The following GRIN2A variants were observed in gnomAD, a reference collection of about 807,000 sequenced individuals.
GRIN2A encodes glutamate ionotropic receptor NMDA type subunit 2A, also known as glutamate receptor ionotropic, NMDA 2A.
GRIN2A carries 22 observed loss-of-function variants against 113.4 expected under a neutral mutation model. The observed-to-expected ratio is 0.19, with a 90% CI of 0.14 to 0.28. The LOEUF (loss-of-function observed/expected upper bound fraction) is 0.28, where lower values mean the gene tolerates loss of function less well. Ranked by LOEUF, GRIN2A falls within the 10% of genes least tolerant of loss-of-function variation. The pLI, the probability that GRIN2A is intolerant of heterozygous loss-of-function variation, is 1.00. For synonymous variants in GRIN2A, 827 were observed against 738.4 expected, an observed-to-expected ratio of 1.12 and a Z score of -1.94; for missense variants, 1,502 against 1,887.0, an observed-to-expected ratio of 0.80 and a Z score of 3.78.
chr16:9,880,280 G>GC (rs2043450809), intron 4 of GRIN2A, among the ~76,000 whole-genome samples: 1 of 152,154 alleles, frequency 6.6e-6, no homozygotes, highest in Non-Finnish European at 1.5e-5. Flanking sequence ...TTATCATGGA[G>GC]CCCCCTCGAT....
chr16:9,782,117 C>T (rs1407073617), intron 11 of GRIN2A, among the ~76,000 whole-genome samples: 2 of 152,084 alleles, frequency 1.3e-5, no homozygotes, highest in African/African-American at 4.8e-5. Flanking sequence ...ACAGTCAGCC[C>T]TTTCTGTATT....
chr16:10,086,041 T>A (rs1782490063), intron 2 of GRIN2A, among the ~76,000 whole-genome samples: 1 of 152,186 alleles, frequency 6.6e-6, no homozygotes, highest in South Asian at 2.1e-4. Flanking sequence ...TCCTCTTGAA[T>A]GTTATAACCT....
At chr16:10,159,364 C>T (rs888797523) in intron 2 of GRIN2A, among the ~76,000 whole-genome samples, 8 of 152,164 alleles carry the variant, frequency 5.3e-5, no homozygotes, top group Admixed American at 5.2e-4. Context: ...GAGAAGCCCA[C>T]CAAGCACCTA....
Position 9,763,759 on chromosome 16 carries a change from G to A in GRIN2A, c.3785C>T (p.Thr1262Ile), listed in dbSNP as rs587780351. The change falls in exon 13 of 13, where the codon ACC (threonine) becomes ATC (isoleucine). Residue 1262 changes from threonine to isoleucine, a missense_variant. By Grantham distance (89) the Thr-to-Ile change is moderately conservative. This residue lies in a region of GRIN2A where 832 missense variants were observed against 789.7 expected (regional missense o/e 1.05). Transcript: ENST00000330684. ...QMLQETGNPA[T>I]GEQVYQQDWA... ...GTCCTGCTGGTAGACCTGCTCCCCG[G>A]TGGCTGGGTTACCTGTCTCCTGAAG... 1.2e-6 allele frequency: 2 copies of A among 1,614,156 alleles called. No homozygotes were observed. Among genetic ancestry groups the A allele is most frequent in the Admixed American group, 3.3e-5 (2 of 60,022 alleles).
chr16:10,088,831 T>C (rs1204309632), intron 2 of GRIN2A, among the ~76,000 whole-genome samples: 7 of 152,216 alleles, frequency 4.6e-5, no homozygotes, highest in Non-Finnish European at 8.8e-5. Flanking sequence ...CAAGAAAAGA[T>C]AAGTCAGCAC....
At chr16:10,110,751 C>T (rs1035132899) in intron 2 of GRIN2A, among the ~76,000 whole-genome samples, 2 of 152,212 alleles carry the variant, frequency 1.3e-5, no homozygotes, top group Non-Finnish European at 2.9e-5. Flanking sequence ...CCAGGCTCCA[C>T]TCCTTTCACA....
At chr16:9,962,433 C>A (rs924901484) in intron 2 of GRIN2A, among the ~76,000 whole-genome samples, 28 of 152,114 alleles carry the variant, frequency 1.8e-4, no homozygotes, top group South Asian at 1.2e-3. Context: ...ACAAACAACC[C>A]CATCAAAAAG....
rs375348642 is a variant in GRIN2A, at chr16:10,089,006, T to C, written c.414+90992A>G. Among the ~76,000 whole-genome samples, 5 of 152,334 alleles carry C rather than the reference T, an allele frequency of 3.3e-5. No homozygotes were observed. The East Asian group carries it at 7.7e-4, about 23-fold the overall frequency. ...CGTTGAGCAAGTTACATAATGTCTC[T>C]CCTCATGCCTCAGTTTTTTTATCTA... On this transcript the variant is annotated intron_variant, in intron 2 of 12. Transcript: ENST00000330684.
intron 2 of GRIN2A, among the ~76,000 whole-genome samples, chr16:10,067,542 C>T (rs780436059): frequency 9.2e-5 from 14 of 152,150 alleles, no homozygotes; most frequent in African/African-American, 1.4e-4. Context: ...TTGCAACACT[C>T]GGAACATTGC....
intron 2 of GRIN2A, among the ~76,000 whole-genome samples, chr16:10,152,312 C>A (rs921510660): frequency 6.6e-6 from 1 of 152,218 alleles, no homozygotes; most frequent in East Asian, 1.9e-4. Context: ...GCTGTCCATA[C>A]GCACCATGTA....
Position 9,763,101 on chromosome 16 carries a change from T to C in GRIN2A, c.*48A>G. The C allele has an allele frequency of 6.4e-7, 1 of 1,573,954 alleles. No individual in the cohort carries two copies. The highest frequency in any genetic ancestry group is 8.7e-7 in the Non-Finnish European group (1 of 1,146,556). On this transcript the variant is annotated 3_prime_UTR_variant, in exon 13 of 13. Coordinates refer to ENST00000330684, the MANE Select transcript of GRIN2A (RefSeq NM_001134407.3). ...ATCCAACATTTACCCTCCAGAACAT[T>C]GGCCATTACGTATATTTCCCTATAG...
intron 2 of GRIN2A, among the ~76,000 whole-genome samples, chr16:10,015,173 G>A (rs2046579026): frequency 7.0e-6 from 1 of 143,354 alleles, no homozygotes. Flanking sequence ...AGAATCACTT[G>A]AACCGGGAGG....
At chr16:9,890,293 A>T (rs2043668562) in intron 4 of GRIN2A, among the ~76,000 whole-genome samples, 1 of 152,218 alleles carries the variant, frequency 6.6e-6, no homozygotes. Flanking sequence ...GCATTTAATT[A>T]TGGAGGAGGA....
chr16:9,892,485 ATATTTAGGAGG>A (rs2043713910), intron 3 of GRIN2A, among the ~76,000 whole-genome samples: 1 of 152,174 alleles, frequency 6.6e-6, no homozygotes, highest in South Asian at 2.1e-4. Flanking sequence ...GAGTGGAGAG[ATATTTAGGAGG>A]TATTTAGTGA....
Position 9,938,565 on chromosome 16 carries a change from G to A in GRIN2A, c.415-14C>T. 1 of 1,592,180 alleles carries A rather than the reference G, an allele frequency of 6.3e-7. No individual in the cohort carries two copies. On this transcript the variant is annotated splice_polypyrimidine_tract_variant and intron_variant, in intron 2 of 12. Transcript: ENST00000330684. ...AGACGTCGGATCCTGCCAGTGAAAA[G>A]AAAGTAAAACAGAGGATGAGGCAGG...
At chr16:10,148,897 T>C (rs1335673422) in intron 2 of GRIN2A, among the ~76,000 whole-genome samples, 3 of 152,132 alleles carry the variant, frequency 2.0e-5, no homozygotes, top group African/African-American at 4.8e-5. Flanking sequence ...ATAAAAAGAA[T>C]AAGATCCTGT....
At chr16:9,876,410 C>G (rs537944947) in intron 4 of GRIN2A, among the ~76,000 whole-genome samples, 12 of 152,300 alleles carry the variant, frequency 7.9e-5, no homozygotes, top group Non-Finnish European at 1.3e-4. Context: ...ATCCGCACGT[C>G]CTCACCACCT....
chr16:9,906,921 C>T (rs111658502), intron 3 of GRIN2A, among the ~76,000 whole-genome samples: 1,938 of 152,266 alleles, frequency 0.013, 42 homozygotes, highest in African/African-American at 0.043. Flanking sequence ...CAGCTCACTG[C>T]GGCCTCAACC....
intron 2 of GRIN2A, among the ~76,000 whole-genome samples, chr16:10,165,733 GAA>G (rs2049906547): frequency 6.2e-5 from 3 of 48,198 alleles, no homozygotes; most frequent in African/African-American, 1.6e-4. Flanking sequence ...GGGGAGGGGA[GAA>G]AGGAGGGGAG....
Sources: gnomAD v4.1 joint callset for allele counts (sites outside exome capture counted in the v4.1 genomes callset) on GRCh38, gnomAD v4.1.1 for gene constraint, gnomAD v4.1.1 regional missense constraint, MANE v1.5 for transcripts, NCBI Gene and HGNC (gene_info 2026-07-23, HGNC 2026-07-21) for gene names.